OSBPL1A: variants seen among roughly 807,000 people sequenced by gnomAD.
OSBPL1A encodes oxysterol binding protein like 1A.
OSBPL1A carries 80 observed loss-of-function variants against 137.1 expected under a neutral mutation model. The observed-to-expected ratio is 0.58, with a 90% confidence interval of 0.49 to 0.70. OSBPL1A has a LOEUF of 0.70. OSBPL1A is among the 30% of genes least tolerant of loss of function. The pLI is 0.00. For missense variants in OSBPL1A, 970 were observed against 1,129.4 expected, an observed-to-expected ratio of 0.86 and a Z score of 2.02; for synonymous variants, 365 against 389.7, an observed-to-expected ratio of 0.94 and a Z score of 0.75.
intron 18 of OSBPL1A, among the ~76,000 whole-genome samples, chr18:24,188,685 A>G (rs2086813950): frequency 6.6e-6 from 1 of 152,202 alleles, no homozygotes; most frequent in Non-Finnish European, 1.5e-5. Context: ...GTAACATGCT[A>G]TTTTAAAATA....
chr18:24,241,121 T>G (rs1388471761), intron 15 of OSBPL1A, among the ~76,000 whole-genome samples: 1 of 152,090 alleles, frequency 6.6e-6, no homozygotes, highest in Non-Finnish European at 1.5e-5. Flanking sequence ...ATACAAAAAT[T>G]GACTCAAGAT....
intron 17 of OSBPL1A, among the ~76,000 whole-genome samples, chr18:24,223,101 C>G (rs2087945744): frequency 6.6e-6 from 1 of 152,020 alleles, no homozygotes; most frequent in Admixed American, 6.6e-5. Flanking sequence ...CAACATATGC[C>G]TGTTTTTCTA....
intron 17 of OSBPL1A, among the ~76,000 whole-genome samples, chr18:24,218,080 G>A (rs1170260167): frequency 6.6e-6 from 1 of 152,094 alleles, no homozygotes; most frequent in Non-Finnish European, 1.5e-5. Context: ...AGAAACCAAA[G>A]GCAGTATGTA....
chr18:24,171,267 C>T (rs1326952299), intron 23 of OSBPL1A, 142 bp downstream of exon 23: 5 of 563,316 alleles, frequency 8.9e-6, no homozygotes, highest in Admixed American at 6.5e-5. Context: ...AACCTGACCT[C>T]GTGATCTGCC....
At chr18:24,391,583 A>T (rs1420443446) in intron 1 of OSBPL1A, among the ~76,000 whole-genome samples, 1 of 149,268 alleles carries the variant, frequency 6.7e-6, no homozygotes, top group Non-Finnish European at 1.5e-5. Context: ...AAAATTAATT[A>T]CCAAATGTCA....
chr18:24,276,190 A>T (rs776606528), intron 15 of OSBPL1A, among the ~76,000 whole-genome samples: 2 of 152,228 alleles, frequency 1.3e-5, no homozygotes, highest in African/African-American at 4.8e-5. Flanking sequence ...TCGATAGTAC[A>T]CAAAATGAGG....
chr18:24,363,053 C>A (rs2091647772), intron 4 of OSBPL1A, among the ~76,000 whole-genome samples: 1 of 152,192 alleles, frequency 6.6e-6, no homozygotes, highest in Non-Finnish European at 1.5e-5. Flanking sequence ...GGCAAAAACC[C>A]AGTAAAAGTA....
At chr18:24,165,973 T>A (rs1398124855) in intron 26 of OSBPL1A, among the ~76,000 whole-genome samples, 1 of 152,136 alleles carries the variant, frequency 6.6e-6, no homozygotes, top group African/African-American at 2.4e-5. Flanking sequence ...GGCACGTGCC[T>A]GTAGTCCCAG....
At chr18:24,348,734 A>G (rs1001209263) in intron 4 of OSBPL1A, among the ~76,000 whole-genome samples, 2 of 152,168 alleles carry the variant, frequency 1.3e-5, no homozygotes, top group African/African-American at 4.8e-5. Flanking sequence ...AGATCGCACA[A>G]CTGCACTCCA....
intron 1 of OSBPL1A, 74 bp from the exon 2 acceptor site, chr18:24,377,609 G>A: frequency 1.5e-6 from 2 of 1,377,998 alleles, no homozygotes; most frequent in Non-Finnish European, 1.9e-6. Context: ...TGCTAATACA[G>A]AAAGGGGAAA....
At chr18:24,176,993 T>G (rs1490719937) in intron 21 of OSBPL1A, among the ~76,000 whole-genome samples, 1 of 152,236 alleles carries the variant, frequency 6.6e-6, no homozygotes, top group African/African-American at 2.4e-5. Flanking sequence ...CTCTCTGCTC[T>G]GTCTTGTATC....
chr18:24,321,655 G>A (rs904326378), intron 7 of OSBPL1A: 1 of 514,000 alleles, frequency 1.9e-6, no homozygotes, highest in South Asian at 1.5e-5. Context: ...GAGGAGCACT[G>A]GGTATGTATG....
At chr18:24,332,766 G>T (rs2091105421) in intron 7 of OSBPL1A, among the ~76,000 whole-genome samples, 176 bp downstream of exon 7, 1 of 152,112 alleles carries the variant, frequency 6.6e-6, no homozygotes, top group African/African-American at 2.4e-5. Context: ...TTCCTTGAGG[G>T]TAGGATCTAC....
At chr18:24,164,978 G>A (rs926646681) in intron 27 of OSBPL1A, 87 bp downstream of exon 27, 50 of 1,339,912 alleles carry the variant, frequency 3.7e-5, no homozygotes, top group Non-Finnish European at 4.9e-5. Flanking sequence ...CCCTTGCTCT[G>A]GGGTCACAGT....
rs183435667 is a variant in OSBPL1A at position 24,174,328 on chromosome 18, C to T, written c.2094-1845G>A. Among the ~76,000 whole-genome samples, 137 of 152,290 alleles carry T rather than the reference C, an allele frequency of 9.0e-4. 1 individual carries two copies. The highest frequency in any genetic ancestry group is 1.6e-3 in the Non-Finnish European group (107 of 68,036). On this transcript the variant is annotated intron_variant, in intron 21 of 27. Transcript: ENST00000319481. Reference sequence around the variant, plus strand: ...CAAACTGTTCTCCAGGGTGGCTCTACCATTTTACATTCCAACACCAACAAT... The same window carrying T: ...CAAACTGTTCTCCAGGGTGGCTCTATCATTTTACATTCCAACACCAACAAT...
chr18:24,178,723 A>G (rs1408506639), intron 20 of OSBPL1A, among the ~76,000 whole-genome samples: 2 of 152,236 alleles, frequency 1.3e-5, no homozygotes, highest in African/African-American at 4.8e-5. Flanking sequence ...ACCCAGATGA[A>G]TTTGAATGAT....
intron 15 of OSBPL1A, among the ~76,000 whole-genome samples, chr18:24,255,261 T>A (rs2089236535): frequency 6.6e-6 from 1 of 152,200 alleles, no homozygotes; most frequent in African/African-American, 2.4e-5. Context: ...ACTGCTGAAT[T>A]CTACCAAACA....
chr18:24,373,735 CAGGAAAGAA>C (rs1905856463), intron 2 of OSBPL1A, among the ~76,000 whole-genome samples: 1 of 151,942 alleles, frequency 6.6e-6, no homozygotes. Context: ...TTTGGAAAAA[CAGGAAAGAA>C]AGGAAAGAAA....
intron 1 of OSBPL1A, among the ~76,000 whole-genome samples, chr18:24,397,411 C>T (rs1048412840): frequency 1.3e-5 from 2 of 152,246 alleles, no homozygotes; most frequent in Non-Finnish European, 2.9e-5. Context: ...CAAACGCCAA[C>T]ATCTTGTTAC....
Sources: allele counts gnomAD v4.1 joint callset (sites outside exome capture counted in the v4.1 genomes callset), GRCh38; gene constraint gnomAD v4.1.1; transcripts MANE v1.5; gene names NCBI Gene and HGNC (gene_info 2026-07-23, HGNC 2026-07-21).